TRPM3: variants seen among roughly 807,000 people sequenced by gnomAD.
The protein encoded by TRPM3 is long transient receptor potential channel 3.
TRPM3 carries 77 observed loss-of-function variants against 181.2 expected under a neutral mutation model. The observed-to-expected ratio is 0.42, with a 90% confidence interval of 0.35 to 0.51. The LOEUF (loss-of-function observed/expected upper bound fraction) is 0.51, where lower values mean the gene tolerates loss of function less well. Among genes scored for constraint, TRPM3 ranks in the 20% least tolerant of loss-of-function variants. TRPM3 has a pLI of 0.01. For missense variants in TRPM3, 1,759 were observed against 2,196.7 expected (o/e 0.80, Z 3.98); for synonymous variants, 745 against 796.4 (o/e 0.94, Z 1.09).
At chr9:71,235,894 C>A (rs780134086) in intron 1 of TRPM3, among the ~76,000 whole-genome samples, 13 of 152,104 alleles carry the variant, frequency 8.5e-5, no homozygotes, top group African/African-American at 2.7e-4. Flanking sequence ...GAAAATAATT[C>A]TTTATTCTCA....
intron 1 of TRPM3, among the ~76,000 whole-genome samples, chr9:70,898,607 G>A (rs549523765): frequency 6.7e-6 from 1 of 150,310 alleles, no homozygotes; most frequent in African/African-American, 2.4e-5. Flanking sequence ...AATTAGCCAG[G>A]CATGTTTGTG....
At chr9:70,833,975 T>C (rs2094130156) in intron 5 of TRPM3, among the ~76,000 whole-genome samples, 2 of 151,708 alleles carry the variant, frequency 1.3e-5, no homozygotes, top group Admixed American at 6.6e-5. Flanking sequence ...ACATGGGGGC[T>C]GAGAGAATGA....
intron 1 of TRPM3, among the ~76,000 whole-genome samples, chr9:70,886,495 G>A (rs140274705): frequency 5.9e-5 from 9 of 152,082 alleles, no homozygotes; most frequent in Non-Finnish European, 7.4e-5. Context: ...TCTTAACCCC[G>A]GGTCTACAGT....
intron 1 of TRPM3, among the ~76,000 whole-genome samples, chr9:71,142,895 T>G (rs548230935): frequency 6.6e-6 from 1 of 151,568 alleles, no homozygotes; most frequent in Non-Finnish European, 1.5e-5. Flanking sequence ...GGAGAATCAC[T>G]TGAGCCCAGG....
intron 1 of TRPM3, among the ~76,000 whole-genome samples, chr9:70,995,213 T>C (rs2097530625): frequency 6.6e-6 from 1 of 152,224 alleles, no homozygotes; most frequent in African/African-American, 2.4e-5. Context: ...GTTTTTAAGA[T>C]GTCGGCATTT....
In TRPM3 at chr9:70,679,944, C is replaced by T. The variant is rs188381596; in HGVS notation, c.1345+1562G>A. ...TCAGTTCATGCCTGGTCCCTGGTCC[C>T]GTGATTCTTCTGCAAAGCCTTTGTA... On this transcript the variant is annotated intron_variant, in intron 9 of 25. Coordinates refer to ENST00000677713, the MANE Select transcript of TRPM3 (RefSeq NM_001366145.2). 1.1e-3 allele frequency among the ~76,000 whole-genome samples: 165 copies of T among 152,228 alleles called. 2 individuals carry two copies. Among genetic ancestry groups the T allele is most frequent in the Non-Finnish European group, 1.9e-3 (127 of 68,020 alleles).
Position 70,536,534 on chromosome 9 carries a change from C to A in TRPM3, c.4579G>T (p.Ala1527Ser), listed in dbSNP as rs780475766. The change falls in exon 26 of 26, where the codon GCT becomes TCT. Residue 1527 changes from alanine (A) to serine (S), a missense_variant. Ala to Ser is a moderately conservative substitution (Grantham distance 99, BLOSUM62 1). Transcript: ENST00000677713. ...AAGCTATGAGATTTCACAATGGGAG[C>A]CTCTTCTAGAAGAAAGGGTGTGGTG... Reference protein sequence around the residue: ...LATTPFLLEEAPIVKSHSFMF... With the variant: ...LATTPFLLEESPIVKSHSFMF... 1 of 1,614,114 alleles carries A rather than the reference C, an allele frequency of 6.2e-7. No individual in the cohort carries two copies. The highest frequency in any genetic ancestry group is 1.1e-5 in the South Asian group (1 of 91,076).
intron 7 of TRPM3, among the ~76,000 whole-genome samples, chr9:70,767,303 T>C (rs1222620663): frequency 6.6e-6 from 1 of 152,152 alleles, no homozygotes; most frequent in Non-Finnish European, 1.5e-5. Context: ...TTGCAAACAC[T>C]CCATGCAGAC....
At chr9:70,564,694 G>A (rs1435804225) in intron 22 of TRPM3, among the ~76,000 whole-genome samples, 3 of 152,106 alleles carry the variant, frequency 2.0e-5, no homozygotes, top group Non-Finnish European at 4.4e-5. Context: ...ATGTCTATGT[G>A]TAAATGCACA....
intron 1 of TRPM3, among the ~76,000 whole-genome samples, chr9:71,215,042 A>AC (rs2079765862): frequency 4.9e-5 from 2 of 40,792 alleles, no homozygotes; most frequent in Non-Finnish European, 1.1e-4. Flanking sequence ...ACAAAAAAAA[A>AC]AAAACAAAAA....
At chr9:71,070,936 T>G (rs2062681975) in intron 1 of TRPM3, among the ~76,000 whole-genome samples, 1 of 152,224 alleles carries the variant, frequency 6.6e-6, no homozygotes, top group African/African-American at 2.4e-5. Flanking sequence ...TTATCAGCTC[T>G]AAGGTTGTTA....
intron 1 of TRPM3, among the ~76,000 whole-genome samples, chr9:71,224,119 G>A (rs2080424162): frequency 6.6e-6 from 1 of 152,240 alleles, no homozygotes; most frequent in Non-Finnish European, 1.5e-5. Context: ...GTCTGACCTA[G>A]TGTAGTACCA....
chr9:70,838,850 A>G (rs2094473554), intron 5 of TRPM3, among the ~76,000 whole-genome samples: 1 of 152,112 alleles, frequency 6.6e-6, no homozygotes, highest in African/African-American at 2.4e-5. Context: ...ATTAATTGAG[A>G]AAAAAAGGGC....
Position 70,694,408 on chromosome 9 carries a change from G to T in TRPM3, c.1273-12830C>A, listed in dbSNP as rs114874308. 4.8e-3 allele frequency among the ~76,000 whole-genome samples: 738 copies of T among 152,270 alleles called. 7 individuals carry two copies. The highest frequency in any genetic ancestry group is 0.017 in the African/African-American group (697 of 41,568). ...AGCATTAGGGCATCTAATAGGCCCT[G>T]TCTCCTACTTCATACATTAATTCCT... On this transcript the variant is annotated intron_variant, in intron 8 of 25. Coordinates refer to ENST00000677713, the MANE Select transcript of TRPM3 (RefSeq NM_001366145.2).
chr9:70,889,849 G>A (rs1283537946), intron 1 of TRPM3, among the ~76,000 whole-genome samples: 1 of 151,012 alleles, frequency 6.6e-6, no homozygotes, highest in East Asian at 1.9e-4. Context: ...GTACAGAAAA[G>A]TATAGTAAAA....
intron 1 of TRPM3, among the ~76,000 whole-genome samples, chr9:71,354,265 C>T (rs985740833): frequency 2.0e-5 from 3 of 152,252 alleles, no homozygotes; most frequent in Middle Eastern, 3.4e-3. Flanking sequence ...TACAAGAAGA[C>T]TCGTCCTGTA....
At chr9:71,064,366 C>T (rs599450) in intron 1 of TRPM3, among the ~76,000 whole-genome samples, 138,016 of 152,036 alleles carry the variant, frequency 0.91, 62,749 homozygotes, top group East Asian at 1. Flanking sequence ...TAAATCTAGA[C>T]GTACTTTAAA....
In TRPM3 at chr9:71,275,608, A is replaced by G. The variant is rs370052720; in HGVS notation, c.183+171045T>C. On this transcript the variant is annotated intron_variant, in intron 1 of 24. Coordinates refer to the TRPM3 transcript ENST00000357533. ...AATTATGAAGTTCCAATAGTTATAC[A>G]TACTAATTAATTAGAGGAATAATGT... is the stretch of plus-strand genomic sequence containing the variant. 1.6e-4 allele frequency among the ~76,000 whole-genome samples: 25 copies of G among 152,278 alleles called. No homozygotes were observed. In the South Asian group the frequency reaches 3.5e-3, roughly 21 times the overall value.
intron 8 of TRPM3, among the ~76,000 whole-genome samples, chr9:70,687,170 T>C (rs2067182713): frequency 6.6e-6 from 1 of 152,168 alleles, no homozygotes; most frequent in Admixed American, 6.5e-5. Flanking sequence ...TGTGGTATAC[T>C]TTTCCCTCTC....
Sources: gnomAD v4.1 joint callset for allele counts (sites outside exome capture counted in the v4.1 genomes callset) on GRCh38, gnomAD v4.1.1 for gene constraint, MANE v1.5 for transcripts, NCBI Gene and HGNC (gene_info 2026-07-23, HGNC 2026-07-21) for gene names.